GPC3: variants seen among roughly 807,000 people sequenced by gnomAD.
The protein encoded by GPC3 is glypican-3.
A neutral mutation model predicts 34.4 loss-of-function variants in GPC3; 3 were observed. The ratio of observed to expected loss-of-function variants is 0.09; its 90% CI spans 0.04 to 0.23. GPC3 has a LOEUF of 0.23. Among genes scored for constraint, GPC3 ranks in the 10% least tolerant of loss-of-function variants. The probability of loss-of-function intolerance (pLI) is 1.00; values close to 1 mark genes in which losing one functional copy is unlikely to be tolerated. For missense variants in GPC3, 351 were observed against 445.6 expected, an observed-to-expected ratio of 0.79 and a Z score of 1.91; for synonymous variants, 177 against 174.0, an observed-to-expected ratio of 1.02 and a Z score of -0.13.
intron 2 of GPC3, among the ~76,000 whole-genome samples, chrX:133,779,797 C>G (rs1325287877): frequency 1.8e-5 from 2 of 110,388 alleles, no homozygotes; most frequent in Non-Finnish European, 1.9e-5. Flanking sequence ...TAAAGTTTTT[C>G]TCCCCTCTCC....
intron 2 of GPC3, among the ~76,000 whole-genome samples, chrX:133,814,391 G>A (rs944914860): frequency 9.0e-6 from 1 of 110,807 alleles, no homozygotes; most frequent in Non-Finnish European, 1.9e-5. Flanking sequence ...TGTGGTTTCC[G>A]AAAACTGAGG....
At chrX:133,942,750 T>C (rs1381148783) in intron 2 of GPC3, among the ~76,000 whole-genome samples, 1 of 111,770 alleles carries the variant, frequency 8.9e-6, no homozygotes. Context: ...AAATAAATAC[T>C]GCTGTATTAC....
At chrX:133,763,156 C>A in intron 2 of GPC3, 1 of 729,933 alleles carries the variant, frequency 1.4e-6, no homozygotes, top group Non-Finnish European at 2.1e-6. Context: ...GGAGCCGCAG[C>A]TTCTTGTGGT....
At chrX:133,897,435 A>AT (rs374770870) in intron 2 of GPC3, among the ~76,000 whole-genome samples, 52 of 101,430 alleles carry the variant, frequency 5.1e-4, no homozygotes, top group South Asian at 1.3e-3. Flanking sequence ...TCACAAACTG[A>AT]TTTTTTTTTT....
intron 2 of GPC3, among the ~76,000 whole-genome samples, chrX:133,897,094 G>A (rs910399571): frequency 3.7e-5 from 4 of 108,439 alleles, no homozygotes; most frequent in Admixed American, 9.9e-5. Flanking sequence ...TTTTAGTAGA[G>A]ACAGGGTTTC....
At chrX:133,798,908 G>A (rs747279343) in intron 2 of GPC3, among the ~76,000 whole-genome samples, 1 of 111,970 alleles carries the variant, frequency 8.9e-6, no homozygotes, top group Non-Finnish European at 1.9e-5. Context: ...TTTGCCTCAC[G>A]TCAGCACATT....
chrX:133,704,358 T>C (rs754239838), intron 3 of GPC3: 1 of 411,438 alleles, frequency 2.4e-6, no homozygotes, highest in Non-Finnish European at 3.9e-6. Context: ...TCTTGACCTA[T>C]GCCTGAGGAA....
intron 6 of GPC3, among the ~76,000 whole-genome samples, chrX:133,655,494 A>C (rs761596446): frequency 9.2e-6 from 1 of 108,239 alleles, no homozygotes; most frequent in South Asian, 4.1e-4. Context: ...ACACACACAC[A>C]CACACACACA....
chrX:133,692,001 T>C (rs973106467), intron 5 of GPC3, among the ~76,000 whole-genome samples: 1 of 112,513 alleles, frequency 8.9e-6, no homozygotes, highest in Admixed American at 9.4e-5. Context: ...CAGGCTGGAG[T>C]GCAGTGATGC....
chrX:133,624,922 T>C (rs1236667537), intron 6 of GPC3, among the ~76,000 whole-genome samples: 1 of 111,209 alleles, frequency 9.0e-6, no homozygotes, highest in Non-Finnish European at 1.9e-5. Flanking sequence ...CTCACTAAAA[T>C]ACTGGCAAAC....
intron 2 of GPC3, among the ~76,000 whole-genome samples, chrX:133,796,823 C>A (rs1418651119): frequency 9.0e-6 from 1 of 111,532 alleles, no homozygotes. Context: ...CCACTATTTT[C>A]TTGAATGACT....
chrX:133,749,702 T>C (rs183474331), intron 3 of GPC3, among the ~76,000 whole-genome samples: 2 of 111,540 alleles, frequency 1.8e-5, no homozygotes, highest in African/African-American at 3.3e-5. Context: ...AAGAGGATAT[T>C]TTTAAAGAAG....
chrX:133,861,338 G>A (rs2075935303), intron 2 of GPC3, among the ~76,000 whole-genome samples: 1 of 110,280 alleles, frequency 9.1e-6, no homozygotes, highest in Non-Finnish European at 1.9e-5. Flanking sequence ...AACTGACTCA[G>A]GAGTATCTGG....
intron 2 of GPC3, among the ~76,000 whole-genome samples, chrX:133,789,160 A>C (rs1365439903): frequency 9.0e-6 from 1 of 111,521 alleles, no homozygotes; most frequent in Non-Finnish European, 1.9e-5. Context: ...AGACTACCAA[A>C]GTATTCATTT....
chrX:133,946,442 A>G (rs1228901742), intron 2 of GPC3, among the ~76,000 whole-genome samples: 1 of 111,607 alleles, frequency 9.0e-6, no homozygotes, highest in Admixed American at 9.5e-5. Flanking sequence ...GAGATAAGTA[A>G]AACACTTGAG....
intron 6 of GPC3, among the ~76,000 whole-genome samples, chrX:133,608,653 T>C (rs988792508): frequency 3.6e-5 from 4 of 111,569 alleles, no homozygotes; most frequent in African/African-American, 1.3e-4. Flanking sequence ...GCTTGAAGAG[T>C]CAACCTCAAT....
intron 5 of GPC3, among the ~76,000 whole-genome samples, chrX:133,687,092 ATTTTTTT>A (rs775110101): frequency 4.9e-4 from 34 of 69,243 alleles, no homozygotes; most frequent in Admixed American, 3.2e-3. Flanking sequence ...TGGCCGGCTA[ATTTTTTT>A]TTTTTTTTTT....
chrX:133,849,531 C>T (rs1160468365), intron 2 of GPC3, among the ~76,000 whole-genome samples: 2 of 111,330 alleles, frequency 1.8e-5, no homozygotes, highest in Non-Finnish European at 3.8e-5. Context: ...TTTCATCAGC[C>T]TCCTTTTATT....
At chrX:133,906,137 G>A (rs1374086079) in intron 2 of GPC3, among the ~76,000 whole-genome samples, 1 of 111,351 alleles carries the variant, frequency 9.0e-6, no homozygotes, top group Non-Finnish European at 1.9e-5. Flanking sequence ...ACAACATCAC[G>A]GACAAAACTC....
Sources: gnomAD v4.1 joint callset for allele counts (sites outside exome capture counted in the v4.1 genomes callset) on GRCh38, gnomAD v4.1.1 for gene constraint, MANE v1.5 for transcripts, NCBI Gene and HGNC (gene_info 2026-07-23, HGNC 2026-07-21) for gene names.